Variants in PSMB7 observed in about 807,000 individuals in gnomAD.
PSMB7 encodes the protein proteasome 20S subunit beta 7.
Under a neutral mutation model 28.1 loss-of-function variants are expected in PSMB7, and 5 were observed. That is an observed-to-expected ratio of 0.18 (90% CI 0.09 to 0.37). The LOEUF (loss-of-function observed/expected upper bound fraction) is 0.37. Ranked by LOEUF, PSMB7 falls within the 10% of genes least tolerant of loss-of-function variation. PSMB7 has a pLI of 1.00. For synonymous variants in PSMB7, 122 were observed against 123.7 expected, an observed-to-expected ratio of 0.99 and a Z score of 0.09; for missense variants, 275 against 346.2, an observed-to-expected ratio of 0.79 and a Z score of 1.63.
chr9:124,361,185 C>A (rs1372257819), intron 6 of PSMB7, among the ~76,000 whole-genome samples: 1 of 152,216 alleles, frequency 6.6e-6, no homozygotes, highest in Non-Finnish European at 1.5e-5. Flanking sequence ...CCCCGGGCCA[C>A]CCCTGCTTCT....
chr9:124,392,675 G>T (rs574109220), intron 5 of PSMB7, among the ~76,000 whole-genome samples: 2 of 152,174 alleles, frequency 1.3e-5, no homozygotes, highest in Non-Finnish European at 2.9e-5. Flanking sequence ...ATCACTCTCA[G>T]CAAGTCCCAG....
chr9:124,412,967 A>G (rs1397827932), intron 3 of PSMB7, among the ~76,000 whole-genome samples: 1 of 152,076 alleles, frequency 6.6e-6, no homozygotes, highest in East Asian at 1.9e-4. Context: ...GTAATAGCAT[A>G]GGTACAAAAT....
chr9:124,382,144 T>C, intron 6 of PSMB7, among the ~76,000 whole-genome samples: 1 of 141,546 alleles, frequency 7.1e-6, no homozygotes, highest in Non-Finnish European at 1.5e-5. Context: ...GCCGAGATCA[T>C]GCCACCGCAC....
intron 6 of PSMB7, among the ~76,000 whole-genome samples, chr9:124,382,472 T>C (rs1387849004): frequency 2.0e-5 from 3 of 151,928 alleles, no homozygotes; most frequent in Non-Finnish European, 4.4e-5. Flanking sequence ...CCTCCCAAAG[T>C]GTTGGGATTA....
chr9:124,358,402 G>A (rs1044411910), intron 6 of PSMB7, among the ~76,000 whole-genome samples: 3 of 152,278 alleles, frequency 2.0e-5, no homozygotes, highest in East Asian at 1.9e-4. Flanking sequence ...TCACTCTCAC[G>A]TGACATCTAT....
chr9:124,402,389 T>G (rs1388563413), intron 5 of PSMB7, among the ~76,000 whole-genome samples: 1 of 152,258 alleles, frequency 6.6e-6, no homozygotes, highest in Non-Finnish European at 1.5e-5. Flanking sequence ...CACAGTTCAC[T>G]GGCAAGAGAA....
intron 5 of PSMB7, among the ~76,000 whole-genome samples, chr9:124,402,070 G>A (rs1156266678): frequency 6.6e-6 from 1 of 150,894 alleles, no homozygotes; most frequent in Non-Finnish European, 1.5e-5. Flanking sequence ...AGACCTCAAA[G>A]TAACAATTTA....
intron 5 of PSMB7, among the ~76,000 whole-genome samples, chr9:124,396,415 G>A (rs1030753952): frequency 2.6e-5 from 4 of 152,170 alleles, no homozygotes; most frequent in Non-Finnish European, 5.9e-5. Context: ...TCACTTAATT[G>A]TAAGATTCTT....
At chr9:124,380,409 T>C (rs1830652866) in intron 6 of PSMB7, among the ~76,000 whole-genome samples, 2 of 152,164 alleles carry the variant, frequency 1.3e-5, no homozygotes, top group South Asian at 4.2e-4. Flanking sequence ...AGCGTGGTGG[T>C]ACACAACTAT....
At chr9:124,391,479 T>G (rs1830786527) in intron 5 of PSMB7, among the ~76,000 whole-genome samples, 1 of 152,198 alleles carries the variant, frequency 6.6e-6, no homozygotes. Flanking sequence ...TCAGCTCGAT[T>G]ACCACACACA....
intron 5 of PSMB7, among the ~76,000 whole-genome samples, chr9:124,402,181 G>T (rs768436822): frequency 1.3e-5 from 2 of 152,084 alleles, no homozygotes; most frequent in Non-Finnish European, 2.9e-5. Context: ...TTTCTAAATA[G>T]AATTATTCTA....
chr9:124,397,254 GTGTAGGTGCTACAGC>G (rs1830852541), intron 5 of PSMB7, among the ~76,000 whole-genome samples: 1 of 152,162 alleles, frequency 6.6e-6, no homozygotes, highest in Non-Finnish European at 1.5e-5. Flanking sequence ...CCCACAACAG[GTGTAGGTGCTACAGC>G]TGGATGAACG....
intron 4 of PSMB7, among the ~76,000 whole-genome samples, chr9:124,406,359 A>C (rs562466044): frequency 8.9e-4 from 136 of 152,032 alleles, no homozygotes; most frequent in African/African-American, 3.2e-3. Context: ...AAAATTAGCA[A>C]GGCATGGTGG....
At chr9:124,384,496 G>A (rs1246057457) in intron 6 of PSMB7, 102 bp downstream of exon 6, 4 of 1,069,202 alleles carry the variant, frequency 3.7e-6, no homozygotes, top group Non-Finnish European at 5.4e-6. Flanking sequence ...ACTAACAACA[G>A]TGCTGTACAA....
chr9:124,373,303 G>C (rs897809920), intron 6 of PSMB7, among the ~76,000 whole-genome samples: 1 of 152,344 alleles, frequency 6.6e-6, no homozygotes. Context: ...CCCAGGGATT[G>C]TATGTTAGGG....
At chr9:124,360,812 TATAATG>T (rs1735097969) in intron 6 of PSMB7, among the ~76,000 whole-genome samples, 1 of 152,270 alleles carries the variant, frequency 6.6e-6, no homozygotes, top group Non-Finnish European at 1.5e-5. Flanking sequence ...CGCTCTGTAA[TATAATG>T]ATAATAAATC....
intron 5 of PSMB7, among the ~76,000 whole-genome samples, chr9:124,400,964 C>T (rs1830897515): frequency 6.6e-6 from 1 of 151,930 alleles, no homozygotes; most frequent in Non-Finnish European, 1.5e-5. Context: ...TTCTATAGGC[C>T]CACGTAAGCT....
At chr9:124,389,248 T>A (rs556912599) in intron 5 of PSMB7, among the ~76,000 whole-genome samples, 1 of 152,344 alleles carries the variant, frequency 6.6e-6, no homozygotes, top group Non-Finnish European at 1.5e-5. Flanking sequence ...ACCACTGTGA[T>A]ATCACAGGAG....
Position 124,356,735 on chromosome 9 carries a change from C to T in PSMB7, c.722+29G>A. The T allele has an allele frequency of 6.3e-7, 1 of 1,597,566 alleles. No individual in the cohort carries two copies. Among genetic ancestry groups the T allele is most frequent in the South Asian group, 1.1e-5 (1 of 89,904 alleles). ...AAGGGTGGCCACGACGCCAGGGGAC[C>T]CAGGAAGAACTTCGTCTCCTTCACT... is the stretch of plus-strand genomic sequence containing the variant. On this transcript the variant is annotated intron_variant, in intron 7 of 7. Transcript: ENST00000259457. This position sits in a 1 kb window ranked among gnomAD's most constrained non-coding sequence, Gnocchi z 4.4.
Sources: allele counts gnomAD v4.1 joint callset (sites outside exome capture counted in the v4.1 genomes callset), GRCh38; gene constraint gnomAD v4.1.1; non-coding constraint Gnocchi (gnomAD v3.1); transcripts MANE v1.5; gene names NCBI Gene and HGNC (gene_info 2026-07-23, HGNC 2026-07-21).